The following HERC2 variants were observed in gnomAD, a reference collection of about 807,000 sequenced individuals.
HERC2 encodes HECT and RLD domain containing E3 ubiquitin protein ligase 2.
A neutral mutation model predicts 537.7 loss-of-function variants in HERC2; 102 were observed. That is an observed-to-expected ratio of 0.19 (90% CI 0.16 to 0.22). HERC2 has a LOEUF of 0.22. Ranked by LOEUF, HERC2 falls within the 10% of genes least tolerant of loss-of-function variation. The pLI, the probability that HERC2 is intolerant of heterozygous loss-of-function variation, is 1.00. For missense variants in HERC2, 4,236 were observed against 6,198.2 expected (o/e 0.68, Z 10.63); for synonymous variants, 2,224 against 2,466.2 (o/e 0.90, Z 2.91).
At position 28,176,674 on chromosome 15, in the gene HERC2, G is replaced by T; in HGVS notation, c.9514+13C>A. On this transcript the variant is annotated intron_variant, in intron 62 of 92. Transcript: ENST00000261609. The surrounding 1 kb of genome is among the most constrained non-coding windows in gnomAD (Gnocchi z 5.0). ...TACCCACCCAGAAGCACAGAATCCTGCCAGCCACTCACCTTCATCGGTCAG... is the reference window on the plus strand; with the variant it reads ...TACCCACCCAGAAGCACAGAATCCTTCCAGCCACTCACCTTCATCGGTCAG... 2 of 1,613,832 alleles carry T rather than the reference G, an allele frequency of 1.2e-6. No individual in the cohort carries two copies. The highest frequency in any genetic ancestry group is 1.7e-6 in the Non-Finnish European group (2 of 1,179,874).
At chr15:28,148,996 T>G (rs1221278630) in intron 70 of HERC2, among the ~76,000 whole-genome samples, 1 of 139,448 alleles carries the variant, frequency 7.2e-6, no homozygotes, top group African/African-American at 2.7e-5. Flanking sequence ...CACACACGGC[T>G]CCTAACCGAG....
chr15:28,161,748 C>G (rs144493203), intron 69 of HERC2, among the ~76,000 whole-genome samples: 1 of 152,168 alleles, frequency 6.6e-6, no homozygotes, highest in Non-Finnish European at 1.5e-5. Flanking sequence ...GTCCTACAGA[C>G]CCAGTGCTAC....
chr15:28,258,396 C>T (rs1335221603), intron 16 of HERC2, among the ~76,000 whole-genome samples: 1 of 152,022 alleles, frequency 6.6e-6, no homozygotes, highest in Non-Finnish European at 1.5e-5. Context: ...TGCTTGAACC[C>T]GGGAGACAGA....
Position 28,269,329 on chromosome 15 carries a change from C to T in HERC2, c.1365G>A (p.Gln455=), listed in dbSNP as rs1468840562. ...GGAAACGCTTCTCTGCACAGGCAAT[C>T]TGTGTGACTCCCAGGTTGGCCAGGC... ...CEGLANLGVT[Q]IACAEKRFLI... The change falls in exon 11 of 93, where the codon CAG becomes CAA. Residue 455 remains glutamine, a synonymous_variant. Transcript: ENST00000261609. 6.2e-7 allele frequency: 1 copy of T among 1,614,224 alleles called. No individual in the cohort carries two copies. Among genetic ancestry groups the T allele is most frequent in the South Asian group, 1.1e-5 (1 of 91,084 alleles).
chr15:28,313,259 T>C (rs1404260883), intron 2 of HERC2, among the ~76,000 whole-genome samples: 3 of 149,926 alleles, frequency 2.0e-5, no homozygotes, highest in Non-Finnish European at 4.5e-5. Flanking sequence ...AGTGGCGCCA[T>C]CTTGGCTCCC....
intron 72 of HERC2, 103 bp from the exon 73 acceptor site, chr15:28,144,338 A>G: frequency 7.4e-6 from 9 of 1,215,416 alleles, no homozygotes; most frequent in Non-Finnish European, 9.2e-6. Context: ...CCCACCCACC[A>G]GAAGGCAACA....
rs560954780 is a variant in HERC2 at position 28,290,703 on chromosome 15, A to G, written c.322+2185T>C. Among the ~76,000 whole-genome samples the G allele has an allele frequency of 6.4e-3, 980 of 152,358 alleles. 11 individuals are homozygous for G. Among genetic ancestry groups the G allele is most frequent in the South Asian group, 0.035 (169 of 4,826 alleles). On this transcript the variant is annotated intron_variant, in intron 4 of 92. Coordinates refer to ENST00000261609, the MANE Select transcript of HERC2 (RefSeq NM_004667.6). The stretch of plus-strand genomic sequence containing the variant: ...CTTGGAAATGAAATAACAATTTCCA[A>G]ATAATAAGCGGGTAAAAGAAGAAAT...
At chr15:28,127,474 G>A (rs915769540) in intron 83 of HERC2, among the ~76,000 whole-genome samples, 2 of 152,232 alleles carry the variant, frequency 1.3e-5, no homozygotes, top group Admixed American at 1.3e-4. Flanking sequence ...GGGGATACTG[G>A]TGTGAACTCA....
At position 28,192,049 on chromosome 15, in the gene HERC2, C is replaced by A; in HGVS notation, c.8363G>T (p.Ser2788Ile). Residue 2788 changes from serine (S) to isoleucine (I), a missense_variant, in exon 53 of 93, where the codon AGC becomes ATC. Around this residue, in one of 27 missense-constraint regions of HERC2, gnomAD observed 606 missense variants for 884.5 expected, o/e 0.69. Coordinates refer to ENST00000261609, the MANE Select transcript of HERC2 (RefSeq NM_004667.6). ...GTTCACGGAGGACGACACATTCAGG[C>A]TCTTCACCATGCGGGACCAGCTGTC... is the stretch of plus-strand genomic sequence containing the variant. Reference protein sequence around the residue: ...LLDSWSRMVKSLNVSSSVNQA... With the variant: ...LLDSWSRMVKILNVSSSVNQA... 6.2e-7 allele frequency: 1 copy of A among 1,614,098 alleles called. No individual in the cohort carries two copies. Among genetic ancestry groups the A allele is most frequent in the Non-Finnish European group, 8.5e-7 (1 of 1,180,046 alleles).
intron 2 of HERC2, among the ~76,000 whole-genome samples, chr15:28,311,012 C>T (rs1411176016): frequency 3.3e-5 from 4 of 121,680 alleles, no homozygotes; most frequent in African/African-American, 9.3e-5. Flanking sequence ...GGGAGGCGGA[C>T]GTTGCAGTGA....
chr15:28,164,141 T>C (rs1893897413), intron 68 of HERC2, among the ~76,000 whole-genome samples: 1 of 152,200 alleles, frequency 6.6e-6, no homozygotes, highest in Non-Finnish European at 1.5e-5. Flanking sequence ...CAAGCCCTTC[T>C]CATTCCCCAG....
intron 90 of HERC2, among the ~76,000 whole-genome samples, chr15:28,114,360 C>T (rs1485378045): frequency 6.6e-6 from 1 of 152,238 alleles, no homozygotes; most frequent in Non-Finnish European, 1.5e-5. Context: ...AAACTATGGC[C>T]TCTCCAGGTG....
chr15:28,233,038 T>A, intron 30 of HERC2, 108 bp downstream of exon 30: 1 of 777,726 alleles, frequency 1.3e-6, no homozygotes, highest in Non-Finnish European at 2.1e-6. Context: ...CAGGTAGAAA[T>A]GTCACATGGA....
chr15:28,121,297 G>C (rs375746566), intron 86 of HERC2, 49 bp downstream of exon 86: 7 of 1,534,246 alleles, frequency 4.6e-6, no homozygotes, highest in Non-Finnish European at 5.4e-6. Context: ...ACCCACGAAA[G>C]CATCACTTCT....
chr15:28,292,536 C>T (rs970791514), intron 4 of HERC2, among the ~76,000 whole-genome samples: 3 of 152,076 alleles, frequency 2.0e-5, no homozygotes, highest in African/African-American at 7.2e-5. Context: ...ACACGTAGTG[C>T]CAGGTGCGAT....
chr15:28,292,702 T>A (rs2076351390), intron 4 of HERC2, among the ~76,000 whole-genome samples, 186 bp downstream of exon 4: 1 of 152,204 alleles, frequency 6.6e-6, no homozygotes, highest in African/African-American at 2.4e-5. Context: ...TTCATGCCAA[T>A]GAACTCTACA....
chr15:28,280,025 A>G (rs1185929749), intron 5 of HERC2, 43 bp downstream of exon 5: 1 of 1,463,506 alleles, frequency 6.8e-7, no homozygotes, highest in Non-Finnish European at 9.4e-7. Context: ...TCTGAATTTT[A>G]TATTTAACTG....
chr15:28,168,448 C>T lies in HERC2; in HGVS notation c.10372G>A (p.Glu3458Lys), dbSNP rs370685397. The change falls in exon 67 of 93, where the codon GAA (glutamate) becomes AAA (lysine). Residue 3458 changes from glutamate (E) to lysine (K), a missense_variant. Glu to Lys is a moderately conservative substitution (Grantham distance 56). Coordinates refer to ENST00000261609, the MANE Select transcript of HERC2 (RefSeq NM_004667.6). ...CATGGATTTGGACTCAGTCTGTCTT[C>T]GATATCAACAGCCAGCATGCATTCT... ...GEECMLAVDI[E>K]DRLSPNPWQE... 21 of 1,614,082 alleles carry T rather than the reference C, an allele frequency of 1.3e-5. No individual in the cohort carries two copies. Among genetic ancestry groups the T allele is most frequent in the African/African-American group, 6.7e-5 (5 of 74,936 alleles).
chr15:28,119,033 TGAG>T (rs1240626586), intron 86 of HERC2, among the ~76,000 whole-genome samples: 1 of 151,996 alleles, frequency 6.6e-6, no homozygotes, highest in African/African-American at 2.4e-5. Flanking sequence ...TTTGGGAGGC[TGAG>T]GTGAGTGGAT....
Sources: gnomAD v4.1 joint callset for allele counts (sites outside exome capture counted in the v4.1 genomes callset) on GRCh38, gnomAD v4.1.1 for gene constraint, gnomAD v4.1.1 regional missense constraint, Gnocchi (gnomAD v3.1) non-coding constraint, MANE v1.5 for transcripts, NCBI Gene and HGNC (gene_info 2026-07-23, HGNC 2026-07-21) for gene names.